Variants in PCDHGA10 observed in about 807,000 individuals in gnomAD.
The protein encoded by PCDHGA10 is protocadherin gamma subfamily A, 10.
A neutral mutation model predicts 59.5 loss-of-function variants in PCDHGA10; 42 were observed. The observed-to-expected ratio is 0.71, with a 90% CI of 0.55 to 0.91. The LOEUF (loss-of-function observed/expected upper bound fraction) is 0.91. Ranked by LOEUF, PCDHGA10 falls within the 40% of genes least tolerant of loss-of-function variation. The pLI is 0.00. For synonymous variants in PCDHGA10, 511 were observed against 517.2 expected, an observed-to-expected ratio of 0.99 and a Z score of 0.16; for missense variants, 1,111 against 1,198.2, an observed-to-expected ratio of 0.93 and a Z score of 1.07.
intron 1 of PCDHGA10, chr5:141,421,703 G>A: frequency 1.2e-6 from 2 of 1,613,946 alleles, no homozygotes; most frequent in Middle Eastern, 1.6e-4. Context: ...CCTAATGCTA[G>A]GGATCCAGAT....
At chr5:141,423,529 C>T in intron 1 of PCDHGA10, 1 of 1,613,754 alleles carries the variant, frequency 6.2e-7, no homozygotes, top group South Asian at 1.1e-5. Flanking sequence ...GCAGAAGAGT[C>T]ACCTGATTTT....
rs111842066 is a variant in PCDHGA10, at chr5:141,486,269, G to A, written c.2437-8538G>A. 6.2e-7 allele frequency: 1 copy of A among 1,613,996 alleles called. No homozygotes were observed. Reference sequence around the variant, plus strand: ...AACCCTCCCCGAGAGTGCAGAACCTGGCACTGTGGTGGCACTTATCAGTGT... The same window carrying A: ...AACCCTCCCCGAGAGTGCAGAACCTAGCACTGTGGTGGCACTTATCAGTGT... On this transcript the variant is annotated intron_variant, in intron 1 of 3. Transcript: ENST00000398610. This position sits in a 1 kb window ranked among gnomAD's most constrained non-coding sequence, Gnocchi z 5.0.
chr5:141,433,365 A>G (rs1347170890), intron 1 of PCDHGA10: 7 of 523,718 alleles, frequency 1.3e-5, no homozygotes, highest in Non-Finnish European at 2.4e-5. Context: ...CTGCCTATCT[A>G]TCTATCTATC....
intron 1 of PCDHGA10, chr5:141,422,347 G>A (rs1456770985): frequency 3.9e-6 from 6 of 1,553,980 alleles, no homozygotes; most frequent in Non-Finnish European, 5.2e-6. Context: ...AAATGTGCAA[G>A]ATCAAGATTC....
chr5:141,427,052 C>T (rs79280874), intron 1 of PCDHGA10: 9,800 of 457,514 alleles, frequency 0.021, 162 homozygotes, highest in Middle Eastern at 0.051. Flanking sequence ...TGCCCCCAGG[C>T]ACCTCTGTAC....
Position 141,491,844 on chromosome 5 carries a change from G to A in PCDHGA10, c.2437-2963G>A. On this transcript the variant is annotated intron_variant, in intron 1 of 3. Transcript: ENST00000398610. The surrounding 1 kb of genome is among the most constrained non-coding windows in gnomAD (Gnocchi z 6.9). ...GCTCCACCCGATTCTCGGGATCATT[G>A]GACCGTTTGCGCGAAACCAGAGTGG... 1 of 1,464,184 alleles carries A rather than the reference G, an allele frequency of 6.8e-7. No homozygotes were observed. 90.7% of individuals were successfully genotyped at this position (1,464,184 alleles called of 1,614,324 possible).
At chr5:141,419,723 C>G (rs373666366) in intron 1 of PCDHGA10, 1 of 1,613,174 alleles carries the variant, frequency 6.2e-7, no homozygotes, top group African/African-American at 1.3e-5. Context: ...CCTGGGGCTG[C>G]GAACAGGCGA....
intron 2 of PCDHGA10, among the ~76,000 whole-genome samples, chr5:141,498,112 AG>A (rs947089103): frequency 2.0e-5 from 3 of 152,232 alleles, no homozygotes; most frequent in African/African-American, 7.2e-5. Flanking sequence ...GGCGTATAAT[AG>A]GGATTTGATT....
intron 1 of PCDHGA10, among the ~76,000 whole-genome samples, chr5:141,433,818 CA>C (rs2097653666): frequency 7.5e-6 from 1 of 133,558 alleles, no homozygotes; most frequent in African/African-American, 2.9e-5. Flanking sequence ...GCCTGGGCAA[CA>C]AGAGTGAAAC....
At position 141,491,651 on chromosome 5, in the gene PCDHGA10, A is replaced by G. The variant is rs1379494110; in HGVS notation, c.2437-3156A>G. 1.9e-6 allele frequency: 3 copies of G among 1,613,796 alleles called. 1 individual carries two copies. ...CAGCAGCCCACAGCTCTGGCGCTGGAGCCTGACGCCATCCGGTCCCGCTCT... is the reference window on the plus strand; with the variant it reads ...CAGCAGCCCACAGCTCTGGCGCTGGGGCCTGACGCCATCCGGTCCCGCTCT... On this transcript the variant is annotated intron_variant, in intron 1 of 3. Coordinates refer to ENST00000398610, the MANE Select transcript of PCDHGA10 (RefSeq NM_018913.3). The surrounding 1 kb of genome is among the most constrained non-coding windows in gnomAD (Gnocchi z 6.9).
chr5:141,422,228 T>C (rs1561800204), intron 1 of PCDHGA10: 1 of 1,565,566 alleles, frequency 6.4e-7, no homozygotes, highest in Non-Finnish European at 8.6e-7. Flanking sequence ...ACCACGACGA[T>C]GTTGATCACT....
chr5:141,503,528 G>A (rs1411240550), intron 2 of PCDHGA10, among the ~76,000 whole-genome samples: 2 of 151,470 alleles, frequency 1.3e-5, no homozygotes, highest in Non-Finnish European at 2.9e-5. Flanking sequence ...GAACCTGGGA[G>A]GCAGAGGTTG....
chr5:141,447,942 T>C (rs1476141059), intron 1 of PCDHGA10, among the ~76,000 whole-genome samples: 2 of 151,740 alleles, frequency 1.3e-5, no homozygotes, highest in African/African-American at 4.8e-5. Context: ...AAAAATTAGC[T>C]GGGCATGGTG....
intron 1 of PCDHGA10, chr5:141,417,840 A>G (rs2096168680): frequency 2.0e-6 from 3 of 1,536,422 alleles, no homozygotes; most frequent in African/African-American, 2.8e-5. Context: ...GCGGGGACCC[A>G]GCGAGAACCC....
chr5:141,475,343 G>A (rs1425482944), intron 1 of PCDHGA10, among the ~76,000 whole-genome samples: 1 of 152,178 alleles, frequency 6.6e-6, no homozygotes, highest in Non-Finnish European at 1.5e-5. Flanking sequence ...ATGACATCCA[G>A]TTTTAAAAGA....
At chr5:141,430,829 T>A (rs763916884) in intron 1 of PCDHGA10, 1 of 1,554,558 alleles carries the variant, frequency 6.4e-7, no homozygotes, top group Non-Finnish European at 8.7e-7. Context: ...GGGGACTCTG[T>A]GGGAGACCGG....
chr5:141,500,318 C>T (rs1005060282), intron 2 of PCDHGA10, among the ~76,000 whole-genome samples: 3 of 151,948 alleles, frequency 2.0e-5, no homozygotes, highest in African/African-American at 7.3e-5. Context: ...ACGCCATGCT[C>T]CTGCCTCAGC....
chr5:141,460,951 G>GTA (rs200454978), intron 1 of PCDHGA10, among the ~76,000 whole-genome samples: 2,366 of 139,742 alleles, frequency 0.017, 20 homozygotes, highest in Middle Eastern at 0.037. Flanking sequence ...TATGTATTAT[G>GTA]TATATATATA....
rs2099394683 is a variant in PCDHGA10, at chr5:141,476,602, C to G, written c.2437-18205C>G. 2.5e-6 allele frequency: 4 copies of G among 1,614,208 alleles called. No individual in the cohort carries two copies. The highest frequency in any genetic ancestry group is 2.2e-5 in the East Asian group (1 of 44,862). Reference sequence around the variant, plus strand: ...TTCCGCTCGAGAGCGCGCACGATCCCGATGTGGGAAGCAACTCTTTACAAA... The same window carrying G: ...TTCCGCTCGAGAGCGCGCACGATCCGGATGTGGGAAGCAACTCTTTACAAA... On this transcript the variant is annotated intron_variant, in intron 1 of 3. Transcript: ENST00000398610. This position sits in a 1 kb window ranked among gnomAD's most constrained non-coding sequence, Gnocchi z 7.6.
Sources: allele counts gnomAD v4.1 joint callset (sites outside exome capture counted in the v4.1 genomes callset), GRCh38; gene constraint gnomAD v4.1.1; non-coding constraint Gnocchi (gnomAD v3.1); transcripts MANE v1.5; gene names NCBI Gene and HGNC (gene_info 2026-07-23, HGNC 2026-07-21).